Variants in NUP50 observed in about 807,000 individuals in gnomAD.
NUP50 encodes nuclear pore complex protein Nup50.
A neutral mutation model predicts 36.8 loss-of-function variants in NUP50; 14 were observed. The observed-to-expected ratio is 0.38, with a 90% confidence interval of 0.25 to 0.59. The LOEUF is 0.59. Among genes scored for constraint, NUP50 ranks in the 20% least tolerant of loss-of-function variants. The pLI is 0.63. For missense variants in NUP50, 455 were observed against 564.6 expected (o/e 0.81, Z 1.97); for synonymous variants, 195 against 210.8 (o/e 0.93, Z 0.65).
intron 7 of NUP50, 63 bp from the exon 8 acceptor site, chr22:45,184,390 C>T (rs898830375): frequency 2.1e-6 from 3 of 1,422,048 alleles, no homozygotes; most frequent in African/African-American, 2.8e-5. Flanking sequence ...TAGCATATTA[C>T]AGACTCCTTT....
rs1288908660 is a variant in NUP50, at chr22:45,178,528, G to A, written c.631G>A (p.Glu211Lys). The A allele has an allele frequency of 6.2e-7, 1 of 1,612,068 alleles. No individual in the cohort carries two copies. The highest frequency in any genetic ancestry group is 2.2e-5 in the East Asian group (1 of 44,886). ...GAACAGTGGCAGGAATTCTGAAAGT[G>A]AATCTAACAAAGTGGCAGCTGAAAC... ...HGNSGRNSES[E>K]SNKVAAETQS... The change falls in exon 5 of 8, where the codon GAA (glutamate) becomes AAA (lysine). Residue 211 changes from glutamate (E) to lysine (K), a missense_variant. Glu to Lys is a moderately conservative substitution (Grantham distance 56). Around this residue, in one of 3 missense-constraint regions of NUP50, gnomAD observed 287 missense variants for 345.5 expected, o/e 0.83. Transcript: ENST00000347635.
intron 1 of NUP50, among the ~76,000 whole-genome samples, chr22:45,166,902 A>G (rs2074103433): frequency 1.3e-5 from 2 of 152,146 alleles, no homozygotes; most frequent in South Asian, 4.1e-4. Context: ...AATCAGAAAA[A>G]TAGCATAAAC....
At chr22:45,174,059 G>A (rs1601776210) in intron 3 of NUP50, among the ~76,000 whole-genome samples, 1 of 152,110 alleles carries the variant, frequency 6.6e-6, no homozygotes, top group South Asian at 2.1e-4. Flanking sequence ...CTATGGAAGA[G>A]AACAAATACA....
intron 2 of NUP50, among the ~76,000 whole-genome samples, chr22:45,168,546 A>G (rs132863): frequency 6.6e-6 from 1 of 152,098 alleles, no homozygotes; most frequent in South Asian, 2.1e-4. Context: ...CGTATACTTG[A>G]AGCATTCTGA....
Position 45,169,230 on chromosome 22 carries a change from C to G in NUP50, c.69+984C>G, listed in dbSNP as rs1340129836. ...CAAAAAATTGTTTTAATTAGCTGAACATGGTGGCATGAGCCTATAGTCACA... is the reference window on the plus strand; with the variant it reads ...CAAAAAATTGTTTTAATTAGCTGAAGATGGTGGCATGAGCCTATAGTCACA... On this transcript the variant is annotated intron_variant, in intron 2 of 7. Coordinates refer to ENST00000347635, the MANE Select transcript of NUP50 (RefSeq NM_007172.4). Among the ~76,000 whole-genome samples, 3 of 152,140 alleles carry G rather than the reference C, an allele frequency of 2.0e-5. No individual in the cohort carries two copies. The East Asian group carries it at 5.8e-4, about 29-fold the overall frequency.
At chr22:45,165,678 T>A (rs2074084552) in intron 1 of NUP50, among the ~76,000 whole-genome samples, 1 of 152,268 alleles carries the variant, frequency 6.6e-6, no homozygotes, top group African/African-American at 2.4e-5. Flanking sequence ...AAATCTGGTT[T>A]GTAATCCAAG....
At chr22:45,169,698 G>T (rs961400375) in intron 2 of NUP50, among the ~76,000 whole-genome samples, 2 of 152,234 alleles carry the variant, frequency 1.3e-5, no homozygotes, top group Non-Finnish European at 2.9e-5. Flanking sequence ...CCTCTGTCAC[G>T]CCCGCATAAG....
chr22:45,169,321 G>T (rs867415478), intron 2 of NUP50, among the ~76,000 whole-genome samples: 8 of 152,128 alleles, frequency 5.3e-5, no homozygotes, highest in African/African-American at 1.9e-4. Flanking sequence ...TGTGACCTGT[G>T]ATTGCACCAC....
chr22:45,168,347 T>C (rs2074127802), intron 2 of NUP50, 101 bp downstream of exon 2: 3 of 782,184 alleles, frequency 3.8e-6, no homozygotes, highest in South Asian at 3.3e-5. Context: ...AAAAGACCTT[T>C]CTAAGAACAT....
At chr22:45,169,098 C>CA in intron 2 of NUP50, among the ~76,000 whole-genome samples, 1 of 152,098 alleles carries the variant, frequency 6.6e-6, no homozygotes, top group Non-Finnish European at 1.5e-5. Flanking sequence ...GACAGGGATT[C>CA]ACCATGTTGG....
At chr22:45,171,261 A>C in intron 2 of NUP50, 1 of 902,718 alleles carries the variant, frequency 1.1e-6, no homozygotes, top group Non-Finnish European at 1.4e-6. Context: ...CAGTGGTGCT[A>C]TCTCGGCTCA....
At chr22:45,168,870 T>C (rs897484360) in intron 2 of NUP50, among the ~76,000 whole-genome samples, 1 of 151,192 alleles carries the variant, frequency 6.6e-6, no homozygotes, top group African/African-American at 2.4e-5. Flanking sequence ...CTGGGCAGCA[T>C]AGAGAGATCC....
rs1336045249 is a variant in NUP50, at chr22:45,185,005, C to T, written c.*350C>T. The T allele has an allele frequency of 3.3e-6, 1 of 306,466 alleles. No individual in the cohort carries two copies. The highest frequency in any genetic ancestry group is 6.2e-6 in the Non-Finnish European group (1 of 160,258). 19.0% of individuals were successfully genotyped at this position (306,466 alleles called of 1,614,324 possible). ...TCTTCCAACCCGTGGGTTTTGGGGT[C>T]CACCGCCACCACGAGAGAGGCTTTT... On this transcript the variant is annotated 3_prime_UTR_variant, in exon 8 of 8. Coordinates refer to ENST00000347635, the MANE Select transcript of NUP50 (RefSeq NM_007172.4).
chr22:45,176,161 T>C (rs2074274142), intron 4 of NUP50, 81 bp downstream of exon 4: 3 of 1,446,942 alleles, frequency 2.1e-6, no homozygotes, highest in East Asian at 2.4e-5. Flanking sequence ...TTCTTATAGC[T>C]ACCCTGTGTC....
rs2074415286 is a variant in NUP50 at position 45,183,523 on chromosome 22, G to T, written c.1204+3G>T. On this transcript the variant is annotated splice_donor_region_variant and intron_variant, in intron 7 of 7. Transcript: ENST00000347635. ...GGTGCGGGCAGACACCAATTTAGGT[G>T]GGTACCTTTTTTCAGTTAGCACAAA... 4 of 1,581,146 alleles carry T rather than the reference G, an allele frequency of 2.5e-6. No individual in the cohort carries two copies. The East Asian group carries it at 8.9e-5, about 35-fold the overall frequency.
In NUP50 at chr22:45,184,890, G is replaced by A; in HGVS notation, c.*235G>A. ...TAAAATACATTTGAATGCAATTTTT[G>A]GAAGATTTTTTAATGTTCGTTTATT... On this transcript the variant is annotated 3_prime_UTR_variant, in exon 8 of 8. Transcript: ENST00000347635. The A allele has an allele frequency of 1.8e-6, 1 of 550,876 alleles. No individual in the cohort carries two copies. Among genetic ancestry groups the A allele is most frequent in the East Asian group, 3.2e-5 (1 of 31,664 alleles). The allele number at this position is 550,876 out of a possible 1,614,324, so 34.1% of individuals were successfully genotyped here. A position where few individuals can be genotyped will look rare whatever the true frequency, so the allele number is the denominator to read the frequency against.
intron 1 of NUP50, among the ~76,000 whole-genome samples, chr22:45,166,786 A>C (rs370295360): frequency 4.2e-5 from 6 of 144,114 alleles, no homozygotes; most frequent in Admixed American, 2.8e-4. Flanking sequence ...AAACTTAACC[A>C]AGTGTTTTTG....
In NUP50 at chr22:45,178,821, C is replaced by T. The variant is rs1450825139; in HGVS notation, c.924C>T (p.Thr308=). 2.5e-6 allele frequency: 4 copies of T among 1,613,772 alleles called. No homozygotes were observed. The change falls in exon 5 of 8, where the codon ACC becomes ACT. Residue 308 remains threonine (T), a synonymous_variant. Coordinates refer to ENST00000347635, the MANE Select transcript of NUP50 (RefSeq NM_007172.4). ...GNSSLFGKDT[T]QSKPVSSPFP... The stretch of plus-strand genomic sequence containing the variant: ...CCAGTTTATTTGGCAAAGATACTAC[C>T]CAGAGTAAACCAGTCTCTTCACCAT...
At chr22:45,168,418 A>T (rs983001974) in intron 2 of NUP50, among the ~76,000 whole-genome samples, 172 bp downstream of exon 2, 1 of 152,138 alleles carries the variant, frequency 6.6e-6, no homozygotes, top group African/African-American at 2.4e-5. Flanking sequence ...TTTATTAATT[A>T]CATTTCTGTG....
Sources: gnomAD v4.1 joint callset for allele counts (sites outside exome capture counted in the v4.1 genomes callset) on GRCh38, gnomAD v4.1.1 for gene constraint, gnomAD v4.1.1 regional missense constraint, MANE v1.5 for transcripts, NCBI Gene and HGNC (gene_info 2026-07-23, HGNC 2026-07-21) for gene names.